FOXP1: variants seen among roughly 807,000 people sequenced by gnomAD.
FOXP1 encodes the protein forkhead box protein P1.
Under a neutral mutation model 98.2 loss-of-function variants are expected in FOXP1, and 15 were observed. The observed-to-expected ratio is 0.15, with a 90% confidence interval of 0.10 to 0.24. The LOEUF (loss-of-function observed/expected upper bound fraction) is 0.24, where lower values mean the gene tolerates loss of function less well. Ranked by LOEUF, FOXP1 falls within the 10% of genes least tolerant of loss-of-function variation. The pLI is 1.00. For missense variants in FOXP1, 633 were observed against 848.5 expected, an observed-to-expected ratio of 0.75 and a Z score of 3.15; for synonymous variants, 371 against 314.5, an observed-to-expected ratio of 1.18 and a Z score of -1.90.
chr3:71,429,504 A>C, intron 3 of FOXP1, among the ~76,000 whole-genome samples: 1 of 148,166 alleles, frequency 6.7e-6, no homozygotes, highest in South Asian at 2.3e-4. Flanking sequence ...GAGGGGGGGT[A>C]CTGAAACGTC....
intron 7 of FOXP1, among the ~76,000 whole-genome samples, chr3:71,085,916 G>T (rs1201074972): frequency 6.6e-6 from 1 of 151,188 alleles, no homozygotes; most frequent in Admixed American, 6.6e-5. Flanking sequence ...TTTTAGTAGA[G>T]ACAGGATTTC....
intron 13 of FOXP1, 114 bp from the exon 14 acceptor site, chr3:70,988,191 A>AT (rs1188302177): frequency 6.2e-6 from 6 of 968,930 alleles, no homozygotes; most frequent in Non-Finnish European, 1.0e-5. Context: ...TGATAAAATC[A>AT]TTTTCATTGC....
At chr3:71,446,464 G>A (rs1307356596) in intron 3 of FOXP1, among the ~76,000 whole-genome samples, 1 of 152,074 alleles carries the variant, frequency 6.6e-6, no homozygotes, top group Non-Finnish European at 1.5e-5. Context: ...AGGAGGGAGG[G>A]AGCCAGGCGG....
At chr3:71,261,757 C>G (rs1232251863) in intron 5 of FOXP1, among the ~76,000 whole-genome samples, 2 of 151,960 alleles carry the variant, frequency 1.3e-5, no homozygotes, top group Non-Finnish European at 2.9e-5. Context: ...CTCGAGGGGA[C>G]GGAGGCAGAA....
intron 4 of FOXP1, among the ~76,000 whole-genome samples, chr3:71,335,906 A>T (rs577228533): frequency 6.7e-6 from 1 of 148,726 alleles, no homozygotes; most frequent in Admixed American, 6.8e-5. Context: ...TCAGGAGGCT[A>T]AGGTAGGAGA....
chr3:71,405,517 CCAGA>C (rs1433637042), intron 3 of FOXP1, among the ~76,000 whole-genome samples: 1 of 152,044 alleles, frequency 6.6e-6, no homozygotes, highest in East Asian at 1.9e-4. Flanking sequence ...AATAATCCAC[CCAGA>C]CAGACAGCCA....
intron 7 of FOXP1, among the ~76,000 whole-genome samples, chr3:71,061,308 T>C (rs1310143157): frequency 6.6e-6 from 1 of 152,194 alleles, no homozygotes; most frequent in African/African-American, 2.4e-5. Flanking sequence ...GCTACCCTTT[T>C]GCCCCAAGAG....
At chr3:71,063,844 G>A (rs1407612727) in intron 7 of FOXP1, among the ~76,000 whole-genome samples, 1 of 152,194 alleles carries the variant, frequency 6.6e-6, no homozygotes, top group Non-Finnish European at 1.5e-5. Flanking sequence ...ACTTGAAGGA[G>A]TTAATCCCAA....
At chr3:71,017,193 G>A (rs150662364) in intron 11 of FOXP1, among the ~76,000 whole-genome samples, 3 of 152,088 alleles carry the variant, frequency 2.0e-5, no homozygotes, top group Non-Finnish European at 4.4e-5. Flanking sequence ...TTGGACTCAA[G>A]GAAAGAATTA....
chr3:71,404,120 C>CTTTTTTTTTTTT (rs869086663), intron 3 of FOXP1, among the ~76,000 whole-genome samples: 55 of 62,706 alleles, frequency 8.8e-4, no homozygotes, highest in African/African-American at 1.3e-3. Flanking sequence ...TTTTCTTTTT[C>CTTTTTTTTTTTT]TTTTTTTTTT....
intron 6 of FOXP1, among the ~76,000 whole-genome samples, chr3:71,115,161 A>G (rs968244294): frequency 2.0e-5 from 3 of 152,206 alleles, no homozygotes; most frequent in African/African-American, 7.2e-5. Flanking sequence ...ATGACAGTGC[A>G]GAGAAAAATA....
intron 7 of FOXP1, among the ~76,000 whole-genome samples, chr3:71,110,161 A>G (rs2107729649): frequency 6.6e-6 from 1 of 152,314 alleles, no homozygotes; most frequent in South Asian, 2.1e-4. Context: ...AAGAGCCCTC[A>G]AAAGGAAATC....
intron 4 of FOXP1, among the ~76,000 whole-genome samples, chr3:71,323,693 G>A (rs1008269453): frequency 6.6e-6 from 1 of 152,208 alleles, no homozygotes; most frequent in Admixed American, 6.5e-5. Flanking sequence ...CCAAGGCCTA[G>A]AGTGGGACAC....
chr3:71,266,105 C>T (rs2107237863), intron 5 of FOXP1, among the ~76,000 whole-genome samples: 1 of 152,156 alleles, frequency 6.6e-6, no homozygotes, highest in Middle Eastern at 3.4e-3. Context: ...AGAGTTAACA[C>T]AGCAAGCAAG....
intron 3 of FOXP1, among the ~76,000 whole-genome samples, chr3:71,459,768 T>C (rs934984206): frequency 6.6e-6 from 1 of 152,216 alleles, no homozygotes; most frequent in Non-Finnish European, 1.5e-5. Flanking sequence ...ATATCATGAT[T>C]TCAGAAGAAT....
chr3:71,113,280 G>A (rs2066444769), intron 6 of FOXP1, among the ~76,000 whole-genome samples: 1 of 152,090 alleles, frequency 6.6e-6, no homozygotes, highest in African/African-American at 2.4e-5. Flanking sequence ...GAACAAAACT[G>A]GTTACGTTTA....
chr3:71,103,161 G>A (rs1697879153), intron 7 of FOXP1, among the ~76,000 whole-genome samples: 1 of 152,156 alleles, frequency 6.6e-6, no homozygotes, highest in African/African-American at 2.4e-5. Flanking sequence ...TCTCAAGATA[G>A]TGAAGTTCAA....
intron 6 of FOXP1, among the ~76,000 whole-genome samples, chr3:71,143,314 C>A (rs2060158505): frequency 6.6e-6 from 1 of 152,170 alleles, no homozygotes; most frequent in Non-Finnish European, 1.5e-5. Context: ...TATTGTGGAT[C>A]TTCTTGGCAG....
intron 6 of FOXP1, among the ~76,000 whole-genome samples, chr3:71,118,549 A>T (rs1315524611): frequency 6.6e-6 from 1 of 152,204 alleles, no homozygotes; most frequent in Non-Finnish European, 1.5e-5. Context: ...GTTTTGCATA[A>T]CACACTTGGT....
Sources: allele counts gnomAD v4.1 joint callset (sites outside exome capture counted in the v4.1 genomes callset), GRCh38; gene constraint gnomAD v4.1.1; transcripts MANE v1.5; gene names NCBI Gene and HGNC (gene_info 2026-07-23, HGNC 2026-07-21).